The following SAFB variants were observed in gnomAD, a reference collection of about 807,000 sequenced individuals.
SAFB encodes the protein scaffold attachment factor B, also known as scaffold attachment factor B1.
In SAFB, 15 loss-of-function variants were observed where a neutral mutation model predicts 101.6. The observed-to-expected ratio is 0.15, with a 90% confidence interval of 0.10 to 0.23. The LOEUF is 0.23. SAFB is among the 10% of genes least tolerant of loss of function. The probability of loss-of-function intolerance (pLI) is 1.00; values close to 1 mark genes in which losing one functional copy is unlikely to be tolerated. For synonymous variants in SAFB, 449 were observed against 407.5 expected (o/e 1.10, Z -1.23); for missense variants, 930 against 1,104.1 (o/e 0.84, Z 2.23).
intron 7 of SAFB, 85 bp from the exon 8 acceptor site, chr19:5,649,841 T>C: frequency 8.0e-7 from 1 of 1,250,706 alleles, no homozygotes; most frequent in Non-Finnish European, 1.2e-6. Flanking sequence ...CGGGTAGGTA[T>C]GCAACCTCAG....
chr19:5,664,518 C>T, intron 17 of SAFB, 79 bp downstream of exon 17: 2 of 1,119,908 alleles, frequency 1.8e-6, no homozygotes, highest in African/African-American at 1.5e-5. Flanking sequence ...CTTCTTCCTG[C>T]CCTTTCTTTG....
At position 5,667,193 on chromosome 19, in the gene SAFB, A is replaced by AC. The variant is rs148831822; in HGVS notation, c.2453+39dup. 0.024 allele frequency: 25,870 copies of AC among 1,086,860 alleles called. 40 individuals carry two copies. The highest frequency in any genetic ancestry group is 0.041 in the East Asian group (1,395 of 33,746). The allele number at this position is 1,086,860 out of a possible 1,614,324, so 67.3% of individuals were successfully genotyped here. A position where few individuals can be genotyped will look rare whatever the true frequency, so the allele number is the denominator to read the frequency against. ...TGTGTCCCACACCCGACAGTACCTGACCCCCCCCCCGCCCACAAGGGGGCC... is the reference window on the plus strand; with the variant it reads ...TGTGTCCCACACCCGACAGTACCTGACCCCCCCCCCCGCCCACAAGGGGGCC... On this transcript the variant is annotated intron_variant, in intron 18 of 20. Transcript: ENST00000588852. The surrounding 1 kb of genome is among the most constrained non-coding windows in gnomAD (Gnocchi z 4.0).
rs1238619897 is a variant in SAFB at position 5,649,749 on chromosome 19, C to T, written c.1149-177C>T. Reference sequence around the variant, plus strand: ...CCTTTAGCCCAGCAGAATTAATTAACTCCTGTGGGTCTGAAATCTTATGGT... The same window carrying T: ...CCTTTAGCCCAGCAGAATTAATTAATTCCTGTGGGTCTGAAATCTTATGGT... On this transcript the variant is annotated intron_variant, in intron 7 of 20. Transcript: ENST00000588852. 7 of 785,260 alleles carry T rather than the reference C, an allele frequency of 8.9e-6. No individual in the cohort carries two copies. In the East Asian group the frequency reaches 1.6e-4, roughly 18 times the overall value. The allele number at this position is 785,260 out of a possible 1,614,324, so 48.6% of individuals were successfully genotyped here. A position where few individuals can be genotyped will look rare whatever the true frequency, so the allele number is the denominator to read the frequency against.
At chr19:5,646,609 G>A (rs1568263769) in intron 5 of SAFB, among the ~76,000 whole-genome samples, 1 of 152,198 alleles carries the variant, frequency 6.6e-6, no homozygotes, top group Non-Finnish European at 1.5e-5. Flanking sequence ...TCCCAGCATG[G>A]GGTAGGGTAC....
chr19:5,657,732 C>G (rs1211180969), intron 14 of SAFB, among the ~76,000 whole-genome samples: 1 of 151,942 alleles, frequency 6.6e-6, no homozygotes, highest in Non-Finnish European at 1.5e-5. Context: ...ACCATGTTGG[C>G]TAGGCTGGTC....
chr19:5,630,850 A>G (rs2053475097), intron 2 of SAFB, among the ~76,000 whole-genome samples: 1 of 152,242 alleles, frequency 6.6e-6, no homozygotes, highest in Non-Finnish European at 1.5e-5. Flanking sequence ...GGTTTAATTA[A>G]TTTAGAATGT....
At position 5,641,835 on chromosome 19, in the gene SAFB, A is replaced by G; in HGVS notation, c.435A>G (p.Ala145=). The change falls in exon 4 of 21, where the codon GCA becomes GCG. Residue 145 remains alanine, a synonymous_variant. Transcript: ENST00000588852. Reference sequence around the variant, plus strand: ...CAGAAATTGATAATGGAAGCGTTGCAGATTGTGTCGAAGACGATGATGCTG... The same window carrying G: ...CAGAAATTGATAATGGAAGCGTTGCGGATTGTGTCGAAGACGATGATGCTG... ...DEAEIDNGSV[A]DCVEDDDADN... 6.2e-7 allele frequency: 1 copy of G among 1,614,130 alleles called. No individual in the cohort carries two copies.
rs1248012398 is a variant in SAFB at position 5,645,356 on chromosome 19, T to C, written c.566T>C (p.Ile189Thr). The change falls in exon 5 of 21, where the codon ATA (isoleucine) becomes ACA (threonine). Residue 189 changes from isoleucine (I) to threonine (T), a missense_variant. Physicochemically the swap from Ile to Thr is moderately conservative, Grantham distance 89. Around this residue, in one of 7 missense-constraint regions of SAFB, gnomAD observed 130 missense variants for 114.2 expected, o/e 1.14. Transcript: ENST00000588852. ...TTACAGATAGAGGACAAAGAAACTA[T>C]AAACAATTTAGATACTTCATCATCT... is the stretch of plus-strand genomic sequence containing the variant. ...QEHAIEDKET[I>T]NNLDTSSSDF... is the part of the protein sequence containing the mutation. 9 of 1,338,566 alleles carry C rather than the reference T, an allele frequency of 6.7e-6. No individual in the cohort carries two copies. The highest frequency in any genetic ancestry group is 1.4e-5 in the African/African-American group (1 of 69,510). The allele number at this position is 1,338,566 out of a possible 1,614,324, so 82.9% of individuals were successfully genotyped here. A position where few individuals can be genotyped will look rare whatever the true frequency, so the allele number is the denominator to read the frequency against.
chr19:5,628,022 G>C (rs748657927), intron 2 of SAFB, among the ~76,000 whole-genome samples: 1 of 152,072 alleles, frequency 6.6e-6, no homozygotes, highest in South Asian at 2.1e-4. Flanking sequence ...AGGTTGAGGC[G>C]GACTGGTCAC....
At chr19:5,627,103 A>G (rs1276546666) in intron 2 of SAFB, among the ~76,000 whole-genome samples, 2 of 151,582 alleles carry the variant, frequency 1.3e-5, no homozygotes, top group African/African-American at 4.9e-5. Context: ...TGAGCCCAGG[A>G]GCTCAAGCCT....
chr19:5,660,500 G>A (rs754656345), intron 14 of SAFB, among the ~76,000 whole-genome samples: 1 of 151,102 alleles, frequency 6.6e-6, no homozygotes, highest in South Asian at 2.1e-4. Context: ...ACCACGCCTG[G>A]CTAATATTAT....
In SAFB at chr19:5,653,268, A is replaced by AGT. The variant is rs767346555; in HGVS notation, c.1443+6_1443+7dup. The AGT allele has an allele frequency of 1.2e-6, 2 of 1,614,152 alleles. No individual in the cohort carries two copies. The highest frequency in any genetic ancestry group is 2.2e-5 in the South Asian group (2 of 91,082). On this transcript the variant is annotated splice_donor_region_variant and intron_variant, in intron 10 of 20. Coordinates refer to ENST00000588852, the MANE Select transcript of SAFB (RefSeq NM_001201338.2). ...AAAGATGATCTCCGTGGAGAAAGTG[A>AGT]GTGGCCGTTTTCTTCCCAGGATATA...
rs757805799 is a variant in SAFB, at chr19:5,641,617, G to A, written c.298G>A (p.Val100Met). ...AGGGCGCAAACCAGAAGAAGAGGGT[G>A]TGGAAGATAACGGGCTGGAGGAAAA... ...SKGRKPEEEG[V>M]EDNGLEENSG... is the part of the protein sequence containing the mutation. Residue 100 changes from valine (V) to methionine (M), a missense_variant, in exon 3 of 21, where the codon GTG becomes ATG. Physicochemically the swap from Val to Met is conservative, Grantham distance 21. Around this residue, in one of 7 missense-constraint regions of SAFB, gnomAD observed 119 missense variants for 171.4 expected, o/e 0.69. Transcript: ENST00000588852. The A allele has an allele frequency of 1.9e-6, 3 of 1,613,986 alleles. No homozygotes were observed. The highest frequency in any genetic ancestry group is 2.7e-5 in the African/African-American group (2 of 74,920).
In SAFB at chr19:5,653,388, C is replaced by T. The variant is rs749049469; in HGVS notation, c.1494C>T (p.Asp498=). The change falls in exon 11 of 21, where the codon GAC becomes GAT. Residue 498 remains aspartate, a synonymous_variant. Coordinates refer to ENST00000588852, the MANE Select transcript of SAFB (RefSeq NM_001201338.2). ...AAACCTCTGACAAAAGAGACAGTGACGGGAAAAAGGAGAAGTCGAGCAACA... is the reference window on the plus strand; with the variant it reads ...AAACCTCTGACAAAAGAGACAGTGATGGGAAAAAGGAGAAGTCGAGCAACA... ...GKKTSDKRDS[D]GKKEKSSNSD... is the part of the protein sequence containing the mutation. 3.6e-5 allele frequency: 58 copies of T among 1,613,936 alleles called. No individual in the cohort carries two copies. Among genetic ancestry groups the T allele is most frequent in the African/African-American group, 9.3e-5 (7 of 74,882 alleles).
chr19:5,623,689 GTCCCCTCC>G (rs2053254266), intron 1 of SAFB, among the ~76,000 whole-genome samples: 1 of 151,990 alleles, frequency 6.6e-6, no homozygotes, highest in South Asian at 2.1e-4. Flanking sequence ...CCCTCGTCTC[GTCCCCTCC>G]TCCGTACCTG....
chr19:5,631,772 G>A (rs1295641058), intron 2 of SAFB, among the ~76,000 whole-genome samples: 2 of 152,194 alleles, frequency 1.3e-5, no homozygotes, highest in East Asian at 1.9e-4. Flanking sequence ...GGGGCTGTGC[G>A]AGATGGCTCT....
chr19:5,648,416 T>C (rs2053869188), intron 6 of SAFB: 1 of 287,048 alleles, frequency 3.5e-6, no homozygotes, highest in Non-Finnish European at 6.5e-6. Context: ...TTGTTGTTTT[T>C]AATTGAGGCA....
intron 5 of SAFB, among the ~76,000 whole-genome samples, chr19:5,645,641 T>C (rs2145439113): frequency 6.6e-6 from 1 of 152,312 alleles, no homozygotes; most frequent in Admixed American, 6.5e-5. Flanking sequence ...CAGCAGTCAT[T>C]AGAGTCATGT....
In SAFB at chr19:5,667,461, G is replaced by T. The variant is rs2054358400; in HGVS notation, c.2557+11G>T. ...ACAAGAGGTGGCAAGGTGAGGAGCA[G>T]CTCTGGGCTGGGACCAGGATGTGCT... is the stretch of plus-strand genomic sequence containing the variant. On this transcript the variant is annotated intron_variant, in intron 19 of 20. Transcript: ENST00000588852. The surrounding 1 kb of genome is among the most constrained non-coding windows in gnomAD (Gnocchi z 4.0). 6.7e-7 allele frequency: 1 copy of T among 1,501,364 alleles called. No individual in the cohort carries two copies. The highest frequency in any genetic ancestry group is 1.4e-5 in the African/African-American group (1 of 70,298). 93.0% of individuals were successfully genotyped at this position (1,501,364 alleles called of 1,614,324 possible). A position where few individuals can be genotyped will look rare whatever the true frequency, so the allele number is the denominator to read the frequency against.
Sources: gnomAD v4.1 joint callset for allele counts (sites outside exome capture counted in the v4.1 genomes callset) on GRCh38, gnomAD v4.1.1 for gene constraint, gnomAD v4.1.1 regional missense constraint, Gnocchi (gnomAD v3.1) non-coding constraint, MANE v1.5 for transcripts, NCBI Gene and HGNC (gene_info 2026-07-23, HGNC 2026-07-21) for gene names.